The following C6orf163 variants were observed in gnomAD, a reference collection of about 807,000 sequenced individuals.
C6orf163 encodes the protein uncharacterized protein C6orf163.
In C6orf163, 22 loss-of-function variants were observed where a neutral mutation model predicts 28.4. The observed-to-expected ratio is 0.78, with a 90% confidence interval of 0.55 to 1.11. The LOEUF (loss-of-function observed/expected upper bound fraction) is 1.11, where lower values mean the gene tolerates loss of function less well. C6orf163 is among the 50% of genes least tolerant of loss of function. The pLI, the probability that C6orf163 is intolerant of heterozygous loss-of-function variation, is 0.00. For synonymous variants in C6orf163, 110 were observed against 123.6 expected, an observed-to-expected ratio of 0.89 and a Z score of 0.73; for missense variants, 342 against 389.1, an observed-to-expected ratio of 0.88 and a Z score of 1.02.
At chr6:87,356,225 G>A (rs1219592521) in intron 3 of C6orf163, 76 bp from the exon 4 acceptor site, 2 of 1,209,118 alleles carry the variant, frequency 1.7e-6, no homozygotes, top group Non-Finnish European at 2.4e-6. Flanking sequence ...TAAAACTATG[G>A]TTTAAATAGC....
intron 1 of C6orf163, among the ~76,000 whole-genome samples, chr6:87,345,894 G>T (rs1777314110): frequency 7.7e-6 from 1 of 130,336 alleles, no homozygotes; most frequent in African/African-American, 2.9e-5. Context: ...TCTAGCCTGG[G>T]TGACAGAGCG....
Position 87,349,004 on chromosome 6 carries a change from A to C in C6orf163, c.243+98A>C. ...TTGTATAGTGTAGTAGTCAGAACTG[A>C]CTGAATCCTGGCTAGCTGTGGGACA... is the stretch of plus-strand genomic sequence containing the variant. On this transcript the variant is annotated intron_variant, in intron 2 of 4. Coordinates refer to ENST00000388923, the MANE Select transcript of C6orf163 (RefSeq NM_001010868.3). The C allele has an allele frequency of 4.2e-6, 6 of 1,420,976 alleles. No individual in the cohort carries two copies. In the South Asian group the frequency reaches 8.7e-5, roughly 21 times the overall value. 88.0% of individuals were successfully genotyped at this position (1,420,976 alleles called of 1,614,324 possible).
Position 87,345,047 on chromosome 6 carries a change from T to A in C6orf163, c.-53T>A, listed in dbSNP as rs1478649337. ...CAGCTTTTCTTGAAACGACTTTTTC[T>A]GATTCTAAGATTATTTTAACTGTAA... On this transcript the variant is annotated 5_prime_UTR_variant, in exon 1 of 5. Coordinates refer to ENST00000388923, the MANE Select transcript of C6orf163 (RefSeq NM_001010868.3). The A allele has an allele frequency of 1.4e-6, 2 of 1,428,640 alleles. No homozygotes were observed. Among genetic ancestry groups the A allele is most frequent in the African/African-American group, 2.9e-5 (2 of 69,454 alleles). 88.5% of individuals were successfully genotyped at this position (1,428,640 alleles called of 1,614,324 possible).
At chr6:87,356,187 T>C in intron 3 of C6orf163, 114 bp from the exon 4 acceptor site, 1 of 863,380 alleles carries the variant, frequency 1.2e-6, no homozygotes, top group Non-Finnish European at 1.8e-6. Flanking sequence ...ATCATCAGTG[T>C]TAACAGGTAC....
intron 4 of C6orf163, among the ~76,000 whole-genome samples, chr6:87,362,383 A>G (rs1777593029): frequency 6.6e-6 from 1 of 152,304 alleles, no homozygotes; most frequent in South Asian, 2.1e-4. Flanking sequence ...AGGCTGAGGT[A>G]GAAGGATCAC....
Position 87,365,265 on chromosome 6 carries a change from A to G in C6orf163, c.859A>G (p.Met287Val), listed in dbSNP as rs1354089824. ...AGAGGAGGAATTACAGGAAACCAGG[A>G]TGGCATTTCAAAAATACATCAATTA... is the stretch of plus-strand genomic sequence containing the variant. ...FLEEELQETR[M>V]AFQKYINYTF... The change falls in exon 5 of 5, where the codon ATG becomes GTG. Residue 287 changes from methionine (M) to valine (V), a missense_variant. Transcript: ENST00000388923. The G allele has an allele frequency of 6.4e-7, 1 of 1,551,644 alleles. No homozygotes were observed. Among genetic ancestry groups the G allele is most frequent in the Non-Finnish European group, 8.7e-7 (1 of 1,147,004 alleles).
intron 1 of C6orf163, among the ~76,000 whole-genome samples, chr6:87,345,503 C>T (rs767209864): frequency 7.9e-5 from 12 of 152,130 alleles, no homozygotes; most frequent in Non-Finnish European, 1.6e-4. Context: ...TGTTATGAGA[C>T]TTTAATGAAG....
At chr6:87,350,601 C>A in intron 3 of C6orf163, 100 bp downstream of exon 3, 1 of 695,538 alleles carries the variant, frequency 1.4e-6, no homozygotes, top group Admixed American at 2.8e-5. Flanking sequence ...GAAATCTAGA[C>A]TGGTGTTTCA....
At position 87,356,442 on chromosome 6, in the gene C6orf163, G is replaced by C; in HGVS notation, c.493G>C (p.Val165Leu). 1.3e-6 allele frequency: 2 copies of C among 1,551,816 alleles called. No individual in the cohort carries two copies. Among genetic ancestry groups the C allele is most frequent in the South Asian group, 1.2e-5 (1 of 84,066 alleles). ...ATGCCACAGAGAGAAGGTCGAAGCT[G>C]TGGAGAAAGCCAGGGCTGAAGAAAG... ...MECHREKVEA[V>L]EKARAEERHI... The change falls in exon 4 of 5, where the codon GTG becomes CTG. Residue 165 changes from valine (V) to leucine (L), a missense_variant. Transcript: ENST00000388923.
At chr6:87,347,678 T>A (rs1404608747) in intron 1 of C6orf163, 2 of 985,050 alleles carry the variant, frequency 2.0e-6, no homozygotes, top group African/African-American at 3.5e-5. Flanking sequence ...AAATGGAATT[T>A]CTTGACTCTT....
At chr6:87,350,626 G>A in intron 3 of C6orf163, 125 bp downstream of exon 3, 1 of 618,068 alleles carries the variant, frequency 1.6e-6, no homozygotes, top group Non-Finnish European at 2.8e-6. Flanking sequence ...CATTAGCTGG[G>A]ATCCCCTGGG....
At chr6:87,348,266 G>C (rs971187167) in intron 1 of C6orf163, 7 of 984,448 alleles carry the variant, frequency 7.1e-6, no homozygotes, top group Non-Finnish European at 8.4e-6. Flanking sequence ...TATTATTATG[G>C]GAATGTTATT....
chr6:87,350,364 T>A (rs1022271193), intron 2 of C6orf163, 30 bp from the exon 3 acceptor site: 14 of 1,349,942 alleles, frequency 1.0e-5, no homozygotes, highest in Non-Finnish European at 1.1e-5. Context: ...TCTGATACAT[T>A]AATAGATAAA....
At chr6:87,353,742 A>G (rs147722708) in intron 3 of C6orf163, among the ~76,000 whole-genome samples, 2 of 152,354 alleles carry the variant, frequency 1.3e-5, no homozygotes, top group East Asian at 3.9e-4. Context: ...CTCTGACTAC[A>G]AGAGAATAAC....
rs187552816 is a variant in C6orf163 at position 87,360,678 on chromosome 6, G to A, written c.554+4175G>A. 4.3e-3 allele frequency among the ~76,000 whole-genome samples: 652 copies of A among 152,170 alleles called. 1 individual carries two copies. Among genetic ancestry groups the A allele is most frequent in the African/African-American group, 0.015 (617 of 41,510 alleles). On this transcript the variant is annotated intron_variant, in intron 4 of 4. Transcript: ENST00000388923. Reference sequence around the variant, plus strand: ...TGCCTCCCAAAGTGCTGGGATTACAGGCGTGAGCCACCATGCCCAGCCTCA... The same window carrying A: ...TGCCTCCCAAAGTGCTGGGATTACAAGCGTGAGCCACCATGCCCAGCCTCA...
chr6:87,346,534 T>C (rs1777326438), intron 1 of C6orf163, among the ~76,000 whole-genome samples: 1 of 152,244 alleles, frequency 6.6e-6, no homozygotes, highest in South Asian at 2.1e-4. Flanking sequence ...TCTTTTCTAT[T>C]CAGTGACCTT....
intron 4 of C6orf163, among the ~76,000 whole-genome samples, chr6:87,361,942 C>T (rs1439951008): frequency 6.6e-6 from 1 of 152,168 alleles, no homozygotes; most frequent in Non-Finnish European, 1.5e-5. Context: ...CAATTGGTCT[C>T]TCTAGCTCAC....
At chr6:87,360,664 G>C (rs1423623028) in intron 4 of C6orf163, among the ~76,000 whole-genome samples, 1 of 151,970 alleles carries the variant, frequency 6.6e-6, no homozygotes, top group Non-Finnish European at 1.5e-5. Context: ...GCCTCCCAAA[G>C]TGCTGGGATT....
chr6:87,365,359 ATC>A lies in C6orf163; in HGVS notation c.955_956del (p.Leu319CysfsTer3). The A allele has an allele frequency of 2.6e-6, 4 of 1,548,442 alleles. No homozygotes were observed. Among genetic ancestry groups the A allele is most frequent in the Non-Finnish European group, 2.6e-6 (3 of 1,145,580 alleles). ...CCAGAAAGAAAGAAAACACCTTCTAATCTTGTTATTAAGGAGAACAAAACAAC... is the reference window on the plus strand; with the variant it reads ...CCAGAAAGAAAGAAAACACCTTCTAATTGTTATTAAGGAGAACAAAACAAC... On this transcript the variant is annotated frameshift_variant, in exon 5 of 5. Transcript: ENST00000388923. LOFTEE classifies it low-confidence loss of function (END_TRUNC).
Sources: allele counts gnomAD v4.1 joint callset (sites outside exome capture counted in the v4.1 genomes callset), GRCh38; gene constraint gnomAD v4.1.1; transcripts MANE v1.5; gene names NCBI Gene and HGNC (gene_info 2026-07-23, HGNC 2026-07-21).